Variants in GALNT13 observed in about 807,000 individuals in gnomAD.
GALNT13 encodes UDP-GalNAc:polypeptide N-acetylgalactosaminyltransferase 13.
GALNT13 carries 28 observed loss-of-function variants against 64.2 expected under a neutral mutation model. The observed-to-expected ratio is 0.44, with a 90% CI of 0.32 to 0.60. The LOEUF (loss-of-function observed/expected upper bound fraction) is 0.60, where lower values mean the gene tolerates loss of function less well. GALNT13 is among the 20% of genes least tolerant of loss of function. The probability of loss-of-function intolerance (pLI) is 0.05; values close to 1 mark genes in which losing one functional copy is unlikely to be tolerated. For missense variants in GALNT13, 577 were observed against 669.8 expected, an observed-to-expected ratio of 0.86 and a Z score of 1.53; for synonymous variants, 214 against 224.6, an observed-to-expected ratio of 0.95 and a Z score of 0.42.
chr2:153,230,600 A>G, the GALNT13 span, among the ~76,000 whole-genome samples: 1 of 152,214 alleles, frequency 6.6e-6, no homozygotes, highest in Non-Finnish European at 1.5e-5. Context: ...GCAGTCAGAT[A>G]CTCAGAACTA....
chr2:154,122,646 GTAGTTTTGTGTGTTTTGA>G (rs539128422), intron 3 of GALNT13, among the ~76,000 whole-genome samples: 10 of 151,812 alleles, frequency 6.6e-5, no homozygotes, highest in South Asian at 2.1e-4. Context: ...GTGTATTTTG[GTAGTTTTGTGTGTTTTGA>G]TAGTTTTGTG....
the GALNT13 span, among the ~76,000 whole-genome samples, chr2:153,790,439 G>C: frequency 6.6e-6 from 1 of 152,032 alleles, no homozygotes; most frequent in African/African-American, 2.4e-5. Context: ...CTAGGTATTG[G>C]AGGAACATAC....
intron 6 of GALNT13, 146 bp from the exon 7 acceptor site, chr2:154,245,666 T>C (rs984062140): frequency 1.2e-5 from 6 of 509,924 alleles, no homozygotes; most frequent in African/African-American, 1.9e-5. Flanking sequence ...AATAATTCCA[T>C]GGACTAATAG....
At chr2:154,316,581 G>A (rs535380514) in intron 9 of GALNT13, among the ~76,000 whole-genome samples, 2 of 152,224 alleles carry the variant, frequency 1.3e-5, no homozygotes, top group African/African-American at 4.8e-5. Context: ...AAGAAATGAA[G>A]TTTATTTAGC....
At chr2:153,938,032 G>A (rs559599660) in intron 2 of GALNT13, among the ~76,000 whole-genome samples, 2 of 152,266 alleles carry the variant, frequency 1.3e-5, no homozygotes, top group South Asian at 4.2e-4. Context: ...GAAGAGAGGT[G>A]TATGGTGAAA....
At chr2:153,719,784 A>G in the GALNT13 span, among the ~76,000 whole-genome samples, 6 of 151,680 alleles carry the variant, frequency 4.0e-5, no homozygotes, top group Non-Finnish European at 7.4e-5. Context: ...ACGAGACTAT[A>G]TCCCACACCT....
At chr2:154,315,966 T>TA (rs1421688388) in intron 9 of GALNT13, among the ~76,000 whole-genome samples, 4 of 152,134 alleles carry the variant, frequency 2.6e-5, no homozygotes, top group Non-Finnish European at 4.4e-5. Context: ...CACAAGCCTG[T>TA]AATCCCAGCT....
chr2:153,667,915 TAAAG>T, the GALNT13 span, among the ~76,000 whole-genome samples: 1 of 151,510 alleles, frequency 6.6e-6, no homozygotes, highest in South Asian at 2.1e-4. Context: ...AGGCCCAAAA[TAAAG>T]AGAGAAAAAT....
chr2:153,999,285 T>A (rs1307277997), intron 3 of GALNT13, among the ~76,000 whole-genome samples: 1 of 149,102 alleles, frequency 6.7e-6, no homozygotes, highest in Non-Finnish European at 1.5e-5. Context: ...TTTTTTTTTT[T>A]CCAATTTGAA....
intron 1 of GALNT13, among the ~76,000 whole-genome samples, chr2:153,892,397 T>A (rs1311027554): frequency 6.6e-6 from 1 of 152,078 alleles, no homozygotes; most frequent in Non-Finnish European, 1.5e-5. Flanking sequence ...TGATAATCTC[T>A]ACAAGTTTAT....
chr2:153,412,157 G>C, the GALNT13 span, among the ~76,000 whole-genome samples: 1 of 152,108 alleles, frequency 6.6e-6, no homozygotes, highest in Admixed American at 6.5e-5. Context: ...CAAGCTTGCA[G>C]ACAGCCTATT....
the GALNT13 span, among the ~76,000 whole-genome samples, chr2:153,760,862 T>TC: frequency 1.3e-5 from 2 of 152,188 alleles, no homozygotes; most frequent in Non-Finnish European, 2.9e-5. Flanking sequence ...GCATTTGATA[T>TC]CTCCCTTCAG....
rs116803692 is a variant in GALNT13, at chr2:154,442,904, A to G, written c.1530+4178A>G. ...GACTGAGCAAGTTGACTTAGAAAAT[A>G]CTTGTTGTGAATTCTATATACATCT... On this transcript the variant is annotated intron_variant, in intron 12 of 12. Coordinates refer to ENST00000392825, the MANE Select transcript of GALNT13 (RefSeq NM_052917.4). 5.3e-3 allele frequency among the ~76,000 whole-genome samples: 803 copies of G among 152,268 alleles called. 8 individuals are homozygous for G. The highest frequency in any genetic ancestry group is 0.019 in the African/African-American group (770 of 41,566).
At chr2:153,132,284 G>A in the GALNT13 span, among the ~76,000 whole-genome samples, 1 of 152,162 alleles carries the variant, frequency 6.6e-6, no homozygotes, top group South Asian at 2.1e-4. Context: ...GAAAAACCCA[G>A]TTGCTCTTCT....
intron 9 of GALNT13, among the ~76,000 whole-genome samples, chr2:154,342,905 A>G (rs1185394308): frequency 6.6e-6 from 1 of 151,682 alleles, no homozygotes; most frequent in Non-Finnish European, 1.5e-5. Context: ...TTTCTTATGG[A>G]GCTCACTGTT....
chr2:154,239,375 G>A (rs1460843450), intron 4 of GALNT13, among the ~76,000 whole-genome samples: 1 of 152,050 alleles, frequency 6.6e-6, no homozygotes, highest in Admixed American at 6.5e-5. Flanking sequence ...ACTGGTTGTT[G>A]GCTTTTGGAC....
At chr2:153,820,379 A>G in the GALNT13 span, among the ~76,000 whole-genome samples, 1 of 152,320 alleles carries the variant, frequency 6.6e-6, no homozygotes, top group Non-Finnish European at 1.5e-5. Flanking sequence ...CAAGAAATCT[A>G]GAGAACACCT....
At chr2:154,364,128 G>GA (rs1559114496) in intron 9 of GALNT13, among the ~76,000 whole-genome samples, 1 of 152,204 alleles carries the variant, frequency 6.6e-6, no homozygotes, top group East Asian at 1.9e-4. Flanking sequence ...GAATTTAAAT[G>GA]AAATCATAAT....
At chr2:153,207,470 C>G in the GALNT13 span, among the ~76,000 whole-genome samples, 1 of 151,990 alleles carries the variant, frequency 6.6e-6, no homozygotes, top group Non-Finnish European at 1.5e-5. Flanking sequence ...ATGATGAACC[C>G]CTACTTGCGT....
Sources: gnomAD v4.1 joint callset for allele counts (sites outside exome capture counted in the v4.1 genomes callset) on GRCh38, gnomAD v4.1.1 for gene constraint, MANE v1.5 for transcripts, NCBI Gene and HGNC (gene_info 2026-07-23, HGNC 2026-07-21) for gene names.